The following SLC16A12 variants were observed in gnomAD, a reference collection of about 807,000 sequenced individuals.
SLC16A12 encodes solute carrier family 16 member 12, also known as monocarboxylate transporter 12.
Under a neutral mutation model 42.4 loss-of-function variants are expected in SLC16A12, and 17 were observed. The observed-to-expected ratio is 0.40, with a 90% CI of 0.27 to 0.60. The LOEUF is 0.60. Among genes scored for constraint, SLC16A12 ranks in the 20% least tolerant of loss-of-function variants. SLC16A12 has a pLI of 0.42. For missense variants in SLC16A12, 544 were observed against 623.0 expected (o/e 0.87, Z 1.35); for synonymous variants, 224 against 229.4 (o/e 0.98, Z 0.21).
At chr10:89,440,073 CAAAAAA>C (rs10674171) in intron 5 of SLC16A12, among the ~76,000 whole-genome samples, 4 of 31,430 alleles carry the variant, frequency 1.3e-4, no homozygotes, top group Non-Finnish European at 1.7e-4. Flanking sequence ...GACCCTGTCT[CAAAAAA>C]AAAAAAAAAA....
At chr10:89,539,295 C>T (rs1843697855), upstream of SLC16A12, among the ~76,000 whole-genome samples, 1 of 152,216 alleles carries the variant, frequency 6.6e-6, no homozygotes, top group Non-Finnish European at 1.5e-5. Flanking sequence ...GGTACCTCCA[C>T]ATGCATTAAT....
chr10:89,537,966 G>A (rs1843691315), upstream of SLC16A12, among the ~76,000 whole-genome samples: 1 of 152,218 alleles, frequency 6.6e-6, no homozygotes, highest in Non-Finnish European at 1.5e-5. Context: ...GTAACTGTGG[G>A]TTGATGATGG....
chr10:89,539,907 T>TTCTTTCTC (rs1843703853), upstream of SLC16A12, among the ~76,000 whole-genome samples: 1 of 148,036 alleles, frequency 6.8e-6, no homozygotes, highest in Non-Finnish European at 1.5e-5. Flanking sequence ...CTTTCTTTCT[T>TTCTTTCTC]TCTTTTTTCT....
intron 2 of SLC16A12, among the ~76,000 whole-genome samples, chr10:89,533,436 T>A (rs1211368845): frequency 6.6e-6 from 1 of 152,202 alleles, no homozygotes; most frequent in Non-Finnish European, 1.5e-5. Flanking sequence ...TCAATTGAAC[T>A]AAATTGAAAA....
intron 2 of SLC16A12, among the ~76,000 whole-genome samples, chr10:89,502,136 T>C (rs979276030): frequency 6.6e-6 from 1 of 152,058 alleles, no homozygotes; most frequent in Non-Finnish European, 1.5e-5. Context: ...ACAATGACCA[T>C]TTCATGCTGG....
intron 2 of SLC16A12, among the ~76,000 whole-genome samples, chr10:89,531,697 C>A (rs924205571): frequency 1.3e-5 from 2 of 152,192 alleles, no homozygotes; most frequent in African/African-American, 2.4e-5. Flanking sequence ...TATGACCCAA[C>A]ACAGCCTCAA....
At chr10:89,454,764 AC>A (rs1842158431) in intron 3 of SLC16A12, among the ~76,000 whole-genome samples, 1 of 151,422 alleles carries the variant, frequency 6.6e-6, no homozygotes, top group African/African-American at 2.4e-5. Flanking sequence ...TTCCACTCTT[AC>A]GTGTTTCAAC....
chr10:89,487,200 T>G (rs1041982340), intron 2 of SLC16A12, among the ~76,000 whole-genome samples: 5 of 152,122 alleles, frequency 3.3e-5, no homozygotes, highest in African/African-American at 1.2e-4. Context: ...CACATCTAAC[T>G]CATTAATTGG....
At chr10:89,482,236 C>CAA (rs368466973) in intron 2 of SLC16A12, among the ~76,000 whole-genome samples, 4,653 of 106,398 alleles carry the variant, frequency 0.044, 182 homozygotes, top group African/African-American at 0.11. Flanking sequence ...AAGAATACAC[C>CAA]AAAAAAAAAA....
intron 2 of SLC16A12, among the ~76,000 whole-genome samples, chr10:89,525,075 C>T (rs1373430572): frequency 6.6e-6 from 1 of 151,972 alleles, no homozygotes; most frequent in Non-Finnish European, 1.5e-5. Flanking sequence ...AAAAAAATTC[C>T]CTGGGCGTGG....
intron 2 of SLC16A12, among the ~76,000 whole-genome samples, chr10:89,515,179 C>A (rs1211840639): frequency 6.6e-6 from 1 of 151,986 alleles, no homozygotes; most frequent in East Asian, 1.9e-4. Flanking sequence ...GGAGCAATTT[C>A]AATGGATGAT....
intron 2 of SLC16A12, among the ~76,000 whole-genome samples, chr10:89,533,368 A>G (rs1036514541): frequency 6.6e-6 from 1 of 152,198 alleles, no homozygotes; most frequent in Non-Finnish European, 1.5e-5. Flanking sequence ...GTTCATTGAC[A>G]TATCCCAAAT....
chr10:89,445,639 A>G (rs966133659), intron 3 of SLC16A12, among the ~76,000 whole-genome samples: 7 of 152,236 alleles, frequency 4.6e-5, no homozygotes, highest in Non-Finnish European at 4.4e-5. Context: ...AAAACCACAA[A>G]GATGGGGAGA....
At chr10:89,530,577 C>T (rs1048570263) in intron 2 of SLC16A12, among the ~76,000 whole-genome samples, 2 of 152,034 alleles carry the variant, frequency 1.3e-5, no homozygotes, top group Admixed American at 6.6e-5. Context: ...ACCACCACGC[C>T]CGGCTAATTT....
rs528087218 is a variant in SLC16A12 at position 89,547,025 on chromosome 10, G to C, written c.-47+8857C>G. Among the ~76,000 whole-genome samples the C allele has an allele frequency of 1.6e-4, 25 of 152,294 alleles. No individual in the cohort carries two copies. In the South Asian group the frequency reaches 5.0e-3, roughly 30 times the overall value. On this transcript the variant is annotated intron_variant, in intron 2 of 2. Transcript: ENST00000475682. ...AGGGAGGGGAACAACACACACCAGA[G>C]CCTGTTGGGGGGTTGGGAGGTGAAG... is the stretch of plus-strand genomic sequence containing the variant.
At chr10:89,538,277 A>G (rs1843693084), upstream of SLC16A12, among the ~76,000 whole-genome samples, 1 of 152,254 alleles carries the variant, frequency 6.6e-6, no homozygotes, top group Non-Finnish European at 1.5e-5. Flanking sequence ...GTCCAACAGA[A>G]TTTTCTACAG....
intron 2 of SLC16A12, among the ~76,000 whole-genome samples, chr10:89,508,524 AC>A (rs1176470429): frequency 6.6e-6 from 1 of 152,216 alleles, no homozygotes; most frequent in Non-Finnish European, 1.5e-5. Flanking sequence ...GTTCTTTGAA[AC>A]CAATGAGAAA....
At chr10:89,470,301 C>T (rs1286095684) in intron 2 of SLC16A12, among the ~76,000 whole-genome samples, 2 of 152,154 alleles carry the variant, frequency 1.3e-5, no homozygotes, top group Non-Finnish European at 1.5e-5. Flanking sequence ...GACTATGTTT[C>T]CCACTCCCTA....
At chr10:89,445,882 T>C (rs1841992648) in intron 3 of SLC16A12, among the ~76,000 whole-genome samples, 1 of 152,034 alleles carries the variant, frequency 6.6e-6, no homozygotes, top group Non-Finnish European at 1.5e-5. Context: ...GAATGGCTAA[T>C]TAGAATAAAC....
Sources: gnomAD v4.1 joint callset for allele counts (sites outside exome capture counted in the v4.1 genomes callset) on GRCh38, gnomAD v4.1.1 for gene constraint, MANE v1.5 for transcripts, NCBI Gene and HGNC (gene_info 2026-07-23, HGNC 2026-07-21) for gene names.